The following DTNA variants were observed in gnomAD, a reference collection of about 807,000 sequenced individuals.
DTNA encodes the protein dystrophin-related protein 3.
DTNA carries 43 observed loss-of-function variants against 100.7 expected under a neutral mutation model. The observed-to-expected ratio is 0.43, with a 90% CI of 0.33 to 0.55. DTNA has a LOEUF of 0.55. Among genes scored for constraint, DTNA ranks in the 20% least tolerant of loss-of-function variants. DTNA has a pLI of 0.04. For missense variants in DTNA, 798 were observed against 953.9 expected (o/e 0.84, Z 2.15); for synonymous variants, 349 against 347.9 (o/e 1.00, Z -0.04).
chr18:34,591,973 A>G (rs1036087425), intron 1 of DTNA, among the ~76,000 whole-genome samples: 7 of 152,172 alleles, frequency 4.6e-5, no homozygotes, highest in African/African-American at 1.7e-4. Flanking sequence ...CCCAAAATAG[A>G]AGATTCAAAA....
intron 1 of DTNA, among the ~76,000 whole-genome samples, chr18:34,650,402 T>C (rs1446048214): frequency 3.3e-5 from 5 of 152,170 alleles, no homozygotes; most frequent in Non-Finnish European, 7.3e-5. Flanking sequence ...AGTGTGTGTG[T>C]GCATGTGCAT....
intron 17 of DTNA, chr18:34,867,169 T>C (rs1421566255): frequency 4.1e-6 from 5 of 1,231,304 alleles, no homozygotes; most frequent in Non-Finnish European, 5.1e-6. Context: ...AACGTATCTT[T>C]CATTTCTTCT....
At chr18:34,549,360 A>G (rs758403289) in intron 1 of DTNA, among the ~76,000 whole-genome samples, 9 of 152,120 alleles carry the variant, frequency 5.9e-5, no homozygotes, top group African/African-American at 1.4e-4. Flanking sequence ...CAGCGTTTAG[A>G]GTATTGAAAG....
chr18:34,523,467 A>G (rs1340684854), intron 1 of DTNA, among the ~76,000 whole-genome samples: 1 of 152,196 alleles, frequency 6.6e-6, no homozygotes, highest in African/African-American at 2.4e-5. Context: ...TAATTATTAA[A>G]AAGTGTGCAG....
intron 1 of DTNA, among the ~76,000 whole-genome samples, chr18:34,508,095 G>C (rs2040675567): frequency 6.6e-6 from 1 of 152,060 alleles, no homozygotes; most frequent in Non-Finnish European, 1.5e-5. Context: ...CTCCATGTCT[G>C]ATTTTGTGGT....
chr18:34,648,805 T>A (rs1366633347), intron 1 of DTNA, among the ~76,000 whole-genome samples: 1 of 152,214 alleles, frequency 6.6e-6, no homozygotes, highest in Non-Finnish European at 1.5e-5. Context: ...AGAAATAGAT[T>A]AGGTAAGTTG....
intron 1 of DTNA, among the ~76,000 whole-genome samples, chr18:34,703,855 T>A (rs2081740834): frequency 6.6e-6 from 1 of 152,224 alleles, no homozygotes; most frequent in South Asian, 2.1e-4. Context: ...AGTCAAACAA[T>A]TTCCACAATA....
chr18:34,725,793 G>A (rs1449412175), intron 1 of DTNA, among the ~76,000 whole-genome samples: 1 of 152,182 alleles, frequency 6.6e-6, no homozygotes, highest in Non-Finnish European at 1.5e-5. Context: ...AAAGACACAT[G>A]CACACGTGTG....
intron 17 of DTNA, among the ~76,000 whole-genome samples, chr18:34,874,073 G>A (rs1262802312): frequency 1.3e-5 from 2 of 152,182 alleles, no homozygotes; most frequent in African/African-American, 4.8e-5. Context: ...GCGTGATGCT[G>A]AGCCTGGAGA....
chr18:34,666,954 G>C (rs2144808862), intron 1 of DTNA, among the ~76,000 whole-genome samples: 1 of 152,222 alleles, frequency 6.6e-6, no homozygotes, highest in South Asian at 2.1e-4. Flanking sequence ...TTCCAATTCT[G>C]TGAAGAAAGT....
At chr18:34,516,555 A>G (rs1434491980) in intron 1 of DTNA, among the ~76,000 whole-genome samples, 3 of 152,064 alleles carry the variant, frequency 2.0e-5, no homozygotes, top group Non-Finnish European at 4.4e-5. Flanking sequence ...TACCTTATCT[A>G]CAACCATATA....
At chr18:34,494,959 T>A (rs1313513493) in intron 1 of DTNA, among the ~76,000 whole-genome samples, 1 of 152,172 alleles carries the variant, frequency 6.6e-6, no homozygotes, top group African/African-American at 2.4e-5. Context: ...TGTTCCACGG[T>A]TCTATATGGC....
chr18:34,854,519 A>G (rs746626506), intron 15 of DTNA, among the ~76,000 whole-genome samples: 3 of 152,240 alleles, frequency 2.0e-5, no homozygotes, highest in Non-Finnish European at 4.4e-5. Flanking sequence ...GAAAGGAGTG[A>G]TAAAAACAAT....
At chr18:34,775,215 A>C (rs1164000448) in intron 3 of DTNA, among the ~76,000 whole-genome samples, 1 of 152,192 alleles carries the variant, frequency 6.6e-6, no homozygotes, top group Admixed American at 6.5e-5. Context: ...AGCCAGGTGC[A>C]GTGGCTTATG....
At chr18:34,873,648 A>G (rs2096787209) in intron 17 of DTNA, among the ~76,000 whole-genome samples, 1 of 152,240 alleles carries the variant, frequency 6.6e-6, no homozygotes, top group Non-Finnish European at 1.5e-5. Context: ...TAGAGTAAGA[A>G]TGCATACTTC....
At chr18:34,645,853 T>C (rs970583008) in intron 1 of DTNA, among the ~76,000 whole-genome samples, 8 of 152,314 alleles carry the variant, frequency 5.3e-5, no homozygotes, top group Admixed American at 3.3e-4. Flanking sequence ...TTTTTAACCA[T>C]TTTTTGAAAA....
intron 5 of DTNA, among the ~76,000 whole-genome samples, chr18:34,807,661 C>T (rs1302192692): frequency 1.3e-5 from 2 of 152,102 alleles, no homozygotes; most frequent in Admixed American, 6.5e-5. Context: ...GCTTCCCTCA[C>T]TTCTGGGACT....
At chr18:34,749,943 A>G (rs1268419896) in intron 1 of DTNA, among the ~76,000 whole-genome samples, 1 of 152,176 alleles carries the variant, frequency 6.6e-6, no homozygotes, top group Non-Finnish European at 1.5e-5. Context: ...ATTAACAGAA[A>G]TGGAAACAGG....
intron 1 of DTNA, among the ~76,000 whole-genome samples, chr18:34,675,015 TA>T (rs2077228776): frequency 6.6e-6 from 1 of 152,152 alleles, no homozygotes; most frequent in Non-Finnish European, 1.5e-5. Flanking sequence ...AAGTTAGACT[TA>T]CCTTGTTCAA....
Sources: allele counts gnomAD v4.1 joint callset (sites outside exome capture counted in the v4.1 genomes callset), GRCh38; gene constraint gnomAD v4.1.1; transcripts MANE v1.5; gene names NCBI Gene and HGNC (gene_info 2026-07-23, HGNC 2026-07-21).